The following ERC2 variants were observed in gnomAD, a reference collection of about 807,000 sequenced individuals.
ERC2 encodes ERC protein 2.
In ERC2, 42 loss-of-function variants were observed where a neutral mutation model predicts 114.8. The ratio of observed to expected loss-of-function variants is 0.37; its 90% CI spans 0.29 to 0.47. The LOEUF is 0.47. Among genes scored for constraint, ERC2 ranks in the 20% least tolerant of loss-of-function variants. The pLI, the probability that ERC2 is intolerant of heterozygous loss-of-function variation, is 0.99. For missense variants in ERC2, 939 were observed against 1,150.7 expected, an observed-to-expected ratio of 0.82 and a Z score of 2.66; for synonymous variants, 454 against 425.5, an observed-to-expected ratio of 1.07 and a Z score of -0.82.
chr3:55,888,628 CA>C (rs762354461), intron 13 of ERC2, 79 bp from the exon 14 acceptor site: 17 of 1,537,342 alleles, frequency 1.1e-5, no homozygotes, highest in Non-Finnish European at 1.5e-5. Context: ...TGTGTTCCAA[CA>C]ACAAACACAA....
Position 55,991,846 on chromosome 3 carries a change from C to A in ERC2, c.2255+211G>T, listed in dbSNP as rs2071081468. ...AAGTTGACCACTATTTTCTTCAACA[C>A]TGAAGAAGTATATAATCCCTCAGAA... On this transcript the variant is annotated intron_variant, in intron 11 of 17. Transcript: ENST00000288221. 1.3e-5 allele frequency among the ~76,000 whole-genome samples: 2 copies of A among 152,188 alleles called. 1 individual carries two copies. The highest frequency in any genetic ancestry group is 4.1e-4 in the South Asian group (2 of 4,834).
intron 12 of ERC2, among the ~76,000 whole-genome samples, chr3:55,952,136 AACACACACACACACAC>A (rs778299355): frequency 4.0e-4 from 30 of 75,470 alleles, no homozygotes; most frequent in East Asian, 3.8e-3. Context: ...CCATCTCTAA[AACACACACACACACAC>A]ACACACACAC....
chr3:56,174,243 C>T (rs1172473453), intron 3 of ERC2, among the ~76,000 whole-genome samples: 1 of 152,194 alleles, frequency 6.6e-6, no homozygotes, highest in Non-Finnish European at 1.5e-5. Flanking sequence ...ATAATTACAA[C>T]TTTTATCTTG....
intron 1 of ERC2, among the ~76,000 whole-genome samples, chr3:56,456,817 A>G (rs984983505): frequency 6.6e-6 from 1 of 152,220 alleles, no homozygotes; most frequent in Non-Finnish European, 1.5e-5. Flanking sequence ...GATGCTGATG[A>G]ACTAAAACTA....
intron 16 of ERC2, among the ~76,000 whole-genome samples, chr3:55,697,201 G>A (rs1330641023): frequency 6.6e-6 from 1 of 152,180 alleles, no homozygotes. Context: ...ATGGAATTAG[G>A]TTAGGAACTC....
chr3:55,857,951 A>T (rs1172162922), intron 14 of ERC2, among the ~76,000 whole-genome samples: 1 of 152,216 alleles, frequency 6.6e-6, no homozygotes, highest in African/African-American at 2.4e-5. Context: ...CCTCTCCTTC[A>T]CCTGCTCCCC....
intron 14 of ERC2, among the ~76,000 whole-genome samples, chr3:55,833,444 G>A (rs1214339523): frequency 6.6e-6 from 1 of 151,888 alleles, no homozygotes; most frequent in East Asian, 1.9e-4. Context: ...AAGAGAGTGG[G>A]GGCCAATATT....
At chr3:55,511,525 T>A (rs997132646) in intron 17 of ERC2, among the ~76,000 whole-genome samples, 4 of 152,186 alleles carry the variant, frequency 2.6e-5, no homozygotes. Context: ...ATGTCACGTA[T>A]ATGTATAAAT....
chr3:55,733,912 T>C (rs888616974), intron 15 of ERC2, among the ~76,000 whole-genome samples: 2 of 152,188 alleles, frequency 1.3e-5, no homozygotes, highest in African/African-American at 4.8e-5. Context: ...CCATAAACCA[T>C]TGAGCTGACT....
intron 2 of ERC2, among the ~76,000 whole-genome samples, chr3:56,341,773 C>T (rs1449354093): frequency 6.6e-6 from 1 of 152,162 alleles, no homozygotes; most frequent in Admixed American, 6.5e-5. Flanking sequence ...ATTGCAACTA[C>T]TTGGCTTCTA....
intron 2 of ERC2, among the ~76,000 whole-genome samples, chr3:56,315,096 C>A (rs1007794880): frequency 6.6e-6 from 1 of 152,182 alleles, no homozygotes; most frequent in Non-Finnish European, 1.5e-5. Flanking sequence ...CTTACTCCAG[C>A]GGCTCCAAGC....
In ERC2 at chr3:56,435,002, A is replaced by G; in HGVS notation, c.6T>C (p.Tyr2=). 2 of 1,606,414 alleles carry G rather than the reference A, an allele frequency of 1.2e-6. No homozygotes were observed. The highest frequency in any genetic ancestry group is 1.1e-5 in the South Asian group (1 of 90,624). M[Y]GSARTITNLE... is the part of the protein sequence containing the mutation. ...GATTGGTGATTGTTCTTGCACTTCC[A>G]TACATTTTTCTTGTATTATGAGGTG... The change falls in exon 2 of 18, where the codon TAT becomes TAC. Residue 2 remains tyrosine, a synonymous_variant. Coordinates refer to ENST00000288221, the MANE Select transcript of ERC2 (RefSeq NM_015576.3).
intron 3 of ERC2, among the ~76,000 whole-genome samples, chr3:56,189,625 G>C (rs2083861101): frequency 6.6e-6 from 1 of 152,228 alleles, no homozygotes; most frequent in Non-Finnish European, 1.5e-5. Flanking sequence ...CAGTGAACAA[G>C]TCCGGGCCAA....
At chr3:56,225,730 A>T (rs768791232) in intron 3 of ERC2, among the ~76,000 whole-genome samples, 1 of 152,206 alleles carries the variant, frequency 6.6e-6, no homozygotes, top group African/African-American at 2.4e-5. Flanking sequence ...AAACCAATAT[A>T]ATCAACAACA....
intron 3 of ERC2, among the ~76,000 whole-genome samples, chr3:56,181,732 C>T (rs1049679037): frequency 1.3e-5 from 2 of 152,114 alleles, no homozygotes; most frequent in African/African-American, 4.8e-5. Flanking sequence ...ACTTCTGAGG[C>T]CTAGGTTTAA....
At chr3:55,567,869 G>C (rs1245633136) in intron 17 of ERC2, among the ~76,000 whole-genome samples, 5 of 152,120 alleles carry the variant, frequency 3.3e-5, no homozygotes, top group Non-Finnish European at 7.4e-5. Context: ...TTTCCTTCCG[G>C]CCTTTTCTCT....
chr3:56,061,503 A>G (rs1208956929), intron 7 of ERC2, among the ~76,000 whole-genome samples: 1 of 152,244 alleles, frequency 6.6e-6, no homozygotes, highest in African/African-American at 2.4e-5. Flanking sequence ...CCTTGATCAT[A>G]GAGACTCTAC....
At chr3:55,984,597 G>A (rs1008769041) in intron 12 of ERC2, among the ~76,000 whole-genome samples, 3 of 151,748 alleles carry the variant, frequency 2.0e-5, no homozygotes, top group South Asian at 2.1e-4. Context: ...CTTCCCTACC[G>A]CCCATTATGA....
intron 3 of ERC2, among the ~76,000 whole-genome samples, chr3:56,294,455 T>C (rs2055297404): frequency 1.3e-5 from 2 of 152,228 alleles, no homozygotes; most frequent in Non-Finnish European, 2.9e-5. Flanking sequence ...GTTACCAGGT[T>C]TCCTTTCTTT....
Sources: gnomAD v4.1 joint callset for allele counts (sites outside exome capture counted in the v4.1 genomes callset) on GRCh38, gnomAD v4.1.1 for gene constraint, MANE v1.5 for transcripts, NCBI Gene and HGNC (gene_info 2026-07-23, HGNC 2026-07-21) for gene names.